Variants in SPATA13 observed in about 807,000 individuals in gnomAD.
SPATA13 encodes the protein spermatogenesis-associated protein 13.
Under a neutral mutation model 104.0 loss-of-function variants are expected in SPATA13, and 50 were observed. The ratio of observed to expected loss-of-function variants is 0.48; its 90% confidence interval spans 0.38 to 0.61. The LOEUF is 0.61. SPATA13 is among the 20% of genes least tolerant of loss of function. The probability of loss-of-function intolerance (pLI) is 0.00; values close to 1 mark genes in which losing one functional copy is unlikely to be tolerated. For synonymous variants in SPATA13, 606 were observed against 667.5 expected, an observed-to-expected ratio of 0.91 and a Z score of 1.42; for missense variants, 1,524 against 1,690.6, an observed-to-expected ratio of 0.90 and a Z score of 1.73.
intron 3 of SPATA13, among the ~76,000 whole-genome samples, chr13:24,043,338 C>A (rs1332821681): frequency 1.3e-5 from 2 of 152,152 alleles, no homozygotes; most frequent in Admixed American, 6.5e-5. Context: ...TGGTCAAACA[C>A]CACGTCCACT....
intron 3 of SPATA13, among the ~76,000 whole-genome samples, chr13:24,095,338 C>T (rs1880037741): frequency 6.6e-6 from 1 of 152,248 alleles, no homozygotes; most frequent in Admixed American, 6.5e-5. Context: ...GGTATGATTC[C>T]ACTTATATGA....
chr13:24,181,481 A>C lies in SPATA13; in HGVS notation c.-112+20549A>C, dbSNP rs186054624. ...TCTTCTCTACTGTCCCTATTCCATA[A>C]TCTTTTTTTTATTAAAATTTGTTTT... On this transcript the variant is annotated intron_variant, in intron 1 of 12. Coordinates refer to ENST00000382108, the MANE Select transcript of SPATA13 (RefSeq NM_001166271.3). 1.0e-3 allele frequency among the ~76,000 whole-genome samples: 158 copies of C among 152,126 alleles called. 1 individual carries two copies. The highest frequency in any genetic ancestry group is 2.8e-3 in the African/African-American group (115 of 41,522).
chr13:24,265,893 C>T (rs906322930), intron 4 of SPATA13, among the ~76,000 whole-genome samples: 3 of 152,184 alleles, frequency 2.0e-5, no homozygotes, highest in South Asian at 2.1e-4. Flanking sequence ...AACAGGGAAG[C>T]TGCAGCAGGT....
intron 3 of SPATA13, among the ~76,000 whole-genome samples, chr13:24,128,116 A>G (rs1881278088): frequency 6.6e-6 from 1 of 152,162 alleles, no homozygotes; most frequent in Non-Finnish European, 1.5e-5. Context: ...TATCAACTGT[A>G]AATCCTGGAG....
At chr13:24,124,973 T>C (rs189723501) in intron 3 of SPATA13, among the ~76,000 whole-genome samples, 123 of 152,286 alleles carry the variant, frequency 8.1e-4, no homozygotes, top group African/African-American at 2.8e-3. Context: ...GAACTGAAAC[T>C]CATTCATAGG....
At chr13:23,995,078 A>G (rs1274246772) in intron 2 of SPATA13, among the ~76,000 whole-genome samples, 1 of 152,168 alleles carries the variant, frequency 6.6e-6, no homozygotes, top group Non-Finnish European at 1.5e-5. Context: ...ATCTCACCAT[A>G]CACAGGACAG....
Position 24,304,832 on chromosome 13 carries a change from G to A in SPATA13, c.*2059G>A, listed in dbSNP as rs1463140965. On this transcript the variant is annotated 3_prime_UTR_variant, in exon 13 of 13. Transcript: ENST00000382108. Reference sequence around the variant, plus strand: ...AGGAAGGAGCTTCTGGAGAGGTCCTGTGGCATGTGTGGGGGTGTGTGTGTG... The same window carrying A: ...AGGAAGGAGCTTCTGGAGAGGTCCTATGGCATGTGTGGGGGTGTGTGTGTG... The A allele has an allele frequency of 6.6e-6, 1 of 152,244 alleles. No individual in the cohort carries two copies. The highest frequency in any genetic ancestry group is 1.5e-5 in the Non-Finnish European group (1 of 68,066). 9.4% of individuals were successfully genotyped at this position (152,244 alleles called of 1,614,324 possible). A position where few individuals can be genotyped will look rare whatever the true frequency, so the allele number is the denominator to read the frequency against.
At chr13:24,284,052 GTA>G in intron 4 of SPATA13, 81 bp from the exon 5 acceptor site, 1 of 1,445,556 alleles carries the variant, frequency 6.9e-7, no homozygotes. Context: ...TCCCTTGGGA[GTA>G]TGTTACCAAA....
At chr13:24,062,645 G>T (rs911021104) in intron 3 of SPATA13, among the ~76,000 whole-genome samples, 1 of 152,148 alleles carries the variant, frequency 6.6e-6, no homozygotes, top group Admixed American at 6.5e-5. Context: ...GTCTGGAACT[G>T]TGTAAGGAAG....
intron 3 of SPATA13, among the ~76,000 whole-genome samples, chr13:24,124,772 T>C (rs1881152538): frequency 6.6e-6 from 1 of 152,236 alleles, no homozygotes; most frequent in African/African-American, 2.4e-5. Context: ...TACTTTTACA[T>C]CATCAATTGT....
intron 3 of SPATA13, among the ~76,000 whole-genome samples, chr13:24,053,988 G>T (rs186765026): frequency 4.4e-4 from 67 of 152,318 alleles, no homozygotes; most frequent in Admixed American, 6.5e-4. Context: ...AGCCACAGCT[G>T]CCTCTGTGTC....
At chr13:24,237,150 G>A (rs1433864243) in intron 2 of SPATA13, among the ~76,000 whole-genome samples, 1 of 152,166 alleles carries the variant, frequency 6.6e-6, no homozygotes, top group African/African-American at 2.4e-5. Context: ...GAGGTCAGGA[G>A]TTCGAGACCA....
chr13:24,042,553 A>G (rs1474800512), intron 3 of SPATA13, among the ~76,000 whole-genome samples: 1 of 152,198 alleles, frequency 6.6e-6, no homozygotes, highest in East Asian at 1.9e-4. Context: ...CATCTCAGAG[A>G]CACAAGCGCA....
At chr13:24,292,461 C>T (rs536607111) in intron 9 of SPATA13, among the ~76,000 whole-genome samples, 3 of 152,268 alleles carry the variant, frequency 2.0e-5, no homozygotes, top group South Asian at 4.1e-4. Flanking sequence ...AGATGAGAAT[C>T]GAAACAGGGT....
At chr13:24,206,458 T>C (rs932058457) in intron 1 of SPATA13, among the ~76,000 whole-genome samples, 2 of 152,228 alleles carry the variant, frequency 1.3e-5, no homozygotes, top group African/African-American at 4.8e-5. Context: ...TTTTACACTG[T>C]TGGTGGGAGT....
intron 3 of SPATA13, among the ~76,000 whole-genome samples, chr13:24,024,464 A>T (rs1877118532): frequency 6.6e-6 from 1 of 152,114 alleles, no homozygotes; most frequent in African/African-American, 2.4e-5. Flanking sequence ...TTGTCTAGTG[A>T]CAAGACCAAC....
intron 2 of SPATA13, among the ~76,000 whole-genome samples, chr13:23,986,595 C>G (rs1875157400): frequency 6.6e-6 from 1 of 152,196 alleles, no homozygotes; most frequent in South Asian, 2.1e-4. Context: ...GATGGTATCT[C>G]CATTTTTACA....
intron 3 of SPATA13, among the ~76,000 whole-genome samples, chr13:24,135,986 C>T (rs1269233373): frequency 6.6e-6 from 1 of 152,168 alleles, no homozygotes; most frequent in Non-Finnish European, 1.5e-5. Flanking sequence ...CTCCTGGAAA[C>T]AAAGTGTTCA....
At chr13:24,086,642 A>G (rs774483940) in intron 3 of SPATA13, among the ~76,000 whole-genome samples, 1 of 152,206 alleles carries the variant, frequency 6.6e-6, no homozygotes, top group Non-Finnish European at 1.5e-5. Flanking sequence ...TGGGAATGCC[A>G]CAGAAGACAC....
Sources: gnomAD v4.1 joint callset for allele counts (sites outside exome capture counted in the v4.1 genomes callset) on GRCh38, gnomAD v4.1.1 for gene constraint, MANE v1.5 for transcripts, NCBI Gene and HGNC (gene_info 2026-07-23, HGNC 2026-07-21) for gene names.